The following ENPP6 variants were observed in gnomAD, a reference collection of about 807,000 sequenced individuals.
ENPP6 encodes the protein glycerophosphocholine cholinephosphodiesterase ENPP6.
In ENPP6, 32 loss-of-function variants were observed where a neutral mutation model predicts 42.0. That is an observed-to-expected ratio of 0.76 (90% confidence interval 0.58 to 1.02). ENPP6 has a LOEUF of 1.02. Among genes scored for constraint, ENPP6 ranks in the 50% least tolerant of loss-of-function variants. The pLI is 0.00. For synonymous variants in ENPP6, 213 were observed against 216.0 expected (o/e 0.99, Z 0.12); for missense variants, 552 against 566.8 (o/e 0.97, Z 0.27).
intron 5 of ENPP6, among the ~76,000 whole-genome samples, chr4:184,114,195 AC>A (rs890233148): frequency 2.6e-5 from 4 of 152,150 alleles, no homozygotes; most frequent in Admixed American, 1.3e-4. Flanking sequence ...TGAACCCCTG[AC>A]CTCAGGTGAT....
intron 2 of ENPP6, among the ~76,000 whole-genome samples, chr4:184,146,429 CAA>C (rs751645083): frequency 2.2e-5 from 3 of 136,006 alleles, no homozygotes; most frequent in African/African-American, 2.8e-5. Flanking sequence ...GACTCCGTTT[CAA>C]AAAAAAAAAA....
At chr4:184,151,275 T>C (rs1737020971) in intron 2 of ENPP6, among the ~76,000 whole-genome samples, 1 of 152,158 alleles carries the variant, frequency 6.6e-6, no homozygotes, top group African/African-American at 2.4e-5. Context: ...GAGGCAGAGG[T>C]TACAGTGAGC....
At chr4:184,164,518 T>C (rs1309422908) in intron 1 of ENPP6, among the ~76,000 whole-genome samples, 1 of 152,158 alleles carries the variant, frequency 6.6e-6, no homozygotes, top group African/African-American at 2.4e-5. Context: ...GGGAAGATGA[T>C]GTTTGGAGAG....
chr4:184,213,314 G>C (rs1561014214), intron 1 of ENPP6, among the ~76,000 whole-genome samples: 1 of 150,988 alleles, frequency 6.6e-6, no homozygotes. Context: ...CCTACAAAAT[G>C]GGAGAAAATT....
At position 184,150,355 on chromosome 4, in the gene ENPP6, C is replaced by T. The variant is rs17486724; in HGVS notation, c.421+3199G>A. ...ATATTGACTTAATGGCGAAACTCAG[C>T]GTGTCATAACCCAGTTCACTAGAGC... is the stretch of plus-strand genomic sequence containing the variant. On this transcript the variant is annotated intron_variant, in intron 2 of 7. Transcript: ENST00000296741. Among the ~76,000 whole-genome samples the T allele has an allele frequency of 9.6e-3, 1,463 of 152,186 alleles. 12 individuals are homozygous for T. Among genetic ancestry groups the T allele is most frequent in the Middle Eastern group, 0.02 (6 of 294 alleles).
intron 1 of ENPP6, among the ~76,000 whole-genome samples, chr4:184,187,258 C>T (rs886420192): frequency 6.6e-5 from 10 of 152,220 alleles, no homozygotes; most frequent in African/African-American, 2.2e-4. Context: ...CACCAGGAGC[C>T]TGACCTTGCT....
intron 2 of ENPP6, among the ~76,000 whole-genome samples, chr4:184,134,300 C>T (rs1216634211): frequency 2.0e-5 from 3 of 152,058 alleles, no homozygotes; most frequent in Non-Finnish European, 4.4e-5. Context: ...TATGCATTCT[C>T]TGGAAGAATT....
rs536051758 is a variant in ENPP6 at position 184,107,547 on chromosome 4, T to TG, written c.993+5124dup. ...ATCCCAGCACTTTGGGAGGCTGAGGTGGGCAGATCACAAGGTCAGGAGTTC... is the reference window on the plus strand; with the variant it reads ...ATCCCAGCACTTTGGGAGGCTGAGGTGGGGCAGATCACAAGGTCAGGAGTTC... On this transcript the variant is annotated intron_variant, in intron 6 of 7. Coordinates refer to ENST00000296741, the MANE Select transcript of ENPP6 (RefSeq NM_153343.4). 3.7e-4 allele frequency among the ~76,000 whole-genome samples: 56 copies of TG among 152,108 alleles called. No individual in the cohort carries two copies. The East Asian group carries it at 5.4e-3, about 15-fold the overall frequency.
intron 1 of ENPP6, among the ~76,000 whole-genome samples, chr4:184,166,396 A>G (rs1020638472): frequency 2.8e-4 from 42 of 152,208 alleles, no homozygotes; most frequent in African/African-American, 9.4e-4. Context: ...CTTAAAAATA[A>G]ATGCATTGCT....
intron 2 of ENPP6, among the ~76,000 whole-genome samples, chr4:184,135,893 C>G (rs985315127): frequency 1.8e-4 from 27 of 151,952 alleles, no homozygotes; most frequent in African/African-American, 6.3e-4. Flanking sequence ...AAATGGAACA[C>G]TATATAAATT....
chr4:184,112,413 C>T (rs1252003527), intron 6 of ENPP6, among the ~76,000 whole-genome samples: 2 of 152,156 alleles, frequency 1.3e-5, no homozygotes, highest in Admixed American at 6.5e-5. Flanking sequence ...GCCGGGTAAT[C>T]GAGTTAATGC....
intron 2 of ENPP6, among the ~76,000 whole-genome samples, chr4:184,133,365 C>G (rs1435673640): frequency 6.6e-6 from 1 of 152,050 alleles, no homozygotes; most frequent in African/African-American, 2.4e-5. Flanking sequence ...TAGATTTATT[C>G]TTACATCTTT....
chr4:184,130,029 G>A (rs1445891527), intron 2 of ENPP6, among the ~76,000 whole-genome samples: 3 of 152,160 alleles, frequency 2.0e-5, no homozygotes, highest in African/African-American at 7.2e-5. Context: ...GTCCCCTTGT[G>A]GGTAGGAATT....
At chr4:184,133,267 C>T (rs1047316588) in intron 2 of ENPP6, among the ~76,000 whole-genome samples, 8 of 152,060 alleles carry the variant, frequency 5.3e-5, no homozygotes, top group African/African-American at 9.7e-5. Context: ...CTAAGACTAC[C>T]AGTTTATAAA....
chr4:184,149,165 T>C (rs1736976040), intron 2 of ENPP6, among the ~76,000 whole-genome samples: 1 of 152,226 alleles, frequency 6.6e-6, no homozygotes, highest in Admixed American at 6.5e-5. Context: ...ATCCAGAGGA[T>C]TGGTGTCACA....
intron 1 of ENPP6, among the ~76,000 whole-genome samples, chr4:184,207,071 G>A (rs768815885): frequency 3.5e-4 from 53 of 152,322 alleles, no homozygotes; most frequent in Middle Eastern, 3.4e-3. Context: ...TCTCAGCTCT[G>A]CCACGACGTT....
rs1194140924 is a variant in ENPP6 at position 184,116,887 on chromosome 4, C to T, written c.824G>A (p.Ser275Asn). 1 of 1,613,900 alleles carries T rather than the reference C, an allele frequency of 6.2e-7. No individual in the cohort carries two copies. The highest frequency in any genetic ancestry group is 8.5e-7 in the Non-Finnish European group (1 of 1,180,036). Residue 275 changes from serine (S) to asparagine (N), a missense_variant, in exon 5 of 8, where the codon AGC becomes AAC. Physicochemically the swap from Ser to Asn is conservative, Grantham distance 46 (BLOSUM62 1). Transcript: ENST00000296741. ...QQVKDRGPVV[S>N]LWPAPGKHSE... is the part of the protein sequence containing the mutation. ...GTGTTTCCCAGGGGCCGGCCAAAGG[C>T]TCACAACAGGCCCGCGGTCCTTCAC...
chr4:184,175,972 C>T (rs1187811436), intron 1 of ENPP6, among the ~76,000 whole-genome samples: 4 of 151,466 alleles, frequency 2.6e-5, no homozygotes, highest in Non-Finnish European at 5.9e-5. Flanking sequence ...TTTCTTTGTA[C>T]AGATGGAGGT....
intron 2 of ENPP6, among the ~76,000 whole-genome samples, chr4:184,126,476 A>G (rs1171025430): frequency 2.6e-5 from 4 of 152,256 alleles, no homozygotes; most frequent in Non-Finnish European, 5.9e-5. Flanking sequence ...TCATGGCAGC[A>G]GCCTACCGTG....
Sources: gnomAD v4.1 joint callset for allele counts (sites outside exome capture counted in the v4.1 genomes callset) on GRCh38, gnomAD v4.1.1 for gene constraint, MANE v1.5 for transcripts, NCBI Gene and HGNC (gene_info 2026-07-23, HGNC 2026-07-21) for gene names.